The following CACNA1H variants were observed in gnomAD, a reference collection of about 807,000 sequenced individuals.
CACNA1H encodes the protein calcium voltage-gated channel subunit alpha1 H.
A neutral mutation model predicts 192.5 loss-of-function variants in CACNA1H; 149 were observed. The observed-to-expected ratio is 0.77, with a 90% CI of 0.68 to 0.89. The LOEUF is 0.89. Among genes scored for constraint, CACNA1H ranks in the 40% least tolerant of loss-of-function variants. The pLI is 0.00. For missense variants in CACNA1H, 4,257 were observed against 3,423.5 expected (o/e 1.24, Z -6.08); for synonymous variants, 2,202 against 1,475.2 (o/e 1.49, Z -11.29).
chr16:1,215,167 G>A (rs902815539), intron 28 of CACNA1H, 75 bp from the exon 29 acceptor site: 29 of 1,580,014 alleles, frequency 1.8e-5, no homozygotes, highest in Admixed American at 1.3e-4. Flanking sequence ...GCTTTCCCAC[G>A]GAGGTCTGCA....
Position 1,211,204 on chromosome 16 carries a change from G to A in CACNA1H, c.4260G>A (p.Val1420=), listed in dbSNP as rs1273704961. The change falls in exon 22 of 35, where the codon GTG becomes GTA. Residue 1420 remains valine (V), a synonymous_variant. Transcript: ENST00000348261. The part of the protein sequence containing the change: ...ISRAPGLKLV[V]ETLISSLRPI... ...GGGCCCCGGGCCTCAAGCTGGTGGT[G>A]GAGACGCTGATATCATCACTCAGGC... 2 of 1,612,990 alleles carry A rather than the reference G, an allele frequency of 1.2e-6. No individual in the cohort carries two copies. The highest frequency in any genetic ancestry group is 1.7e-6 in the Non-Finnish European group (2 of 1,179,754).
chr16:1,196,001 C>G lies in CACNA1H; in HGVS notation c.621C>G (p.Leu207=). ...AIRTVRVLRP[L]RAINRVPSMR... The stretch of plus-strand genomic sequence containing the variant: ...GGACCGTGCGGGTGCTGCGGCCCCT[C>G]CGCGCCATCAACCGCGTGCCTAGTA... The change falls in exon 5 of 35, where the codon CTC becomes CTG. Residue 207 remains leucine (L), a synonymous_variant. Transcript: ENST00000348261. The G allele has an allele frequency of 6.2e-7, 1 of 1,612,936 alleles. No homozygotes were observed. The highest frequency in any genetic ancestry group is 8.5e-7 in the Non-Finnish European group (1 of 1,179,766).
At chr16:1,211,028 A>G in intron 21 of CACNA1H, 57 bp downstream of exon 21, 4 of 1,557,004 alleles carry the variant, frequency 2.6e-6, no homozygotes, top group Non-Finnish European at 3.5e-6. Flanking sequence ...CCCTGACGCC[A>G]CTGCCCATTA....
At chr16:1,199,619 C>G (rs558689914) in intron 6 of CACNA1H, among the ~76,000 whole-genome samples, 1 of 150,994 alleles carries the variant, frequency 6.6e-6, no homozygotes, top group South Asian at 2.1e-4. Flanking sequence ...TCCCCTCGGC[C>G]CTTGCTCTGC....
rs548105017 is a variant in CACNA1H at position 1,162,648 on chromosome 16, G to T, written c.299+8612G>T. Among the ~76,000 whole-genome samples, 9 of 151,806 alleles carry T rather than the reference G, an allele frequency of 5.9e-5. No individual in the cohort carries two copies. In the East Asian group the frequency reaches 7.8e-4, roughly 13 times the overall value. On this transcript the variant is annotated intron_variant, in intron 2 of 34. Coordinates refer to ENST00000348261, the MANE Select transcript of CACNA1H (RefSeq NM_021098.3). ...CTGCGGACACCTGGAGTGGGGGGGG[G>T]GGGTCCATCCTAGGAGGAGCCGAGC...
At chr16:1,176,930 T>C (rs1964946267) in intron 2 of CACNA1H, among the ~76,000 whole-genome samples, 1 of 152,082 alleles carries the variant, frequency 6.6e-6, no homozygotes, top group Non-Finnish European at 1.5e-5. Flanking sequence ...GGATGTTCCG[T>C]GGACAGGGTG....
chr16:1,217,784 G>C, intron 31 of CACNA1H, 135 bp from the exon 32 acceptor site: 1 of 1,237,344 alleles, frequency 8.1e-7, no homozygotes, highest in African/African-American at 1.5e-5. Context: ...AGGGCGAACC[G>C]CCAGGGCCTC....
intron 14 of CACNA1H, 52 bp downstream of exon 14, chr16:1,207,482 C>T (rs561749462): frequency 3.9e-5 from 62 of 1,575,478 alleles, no homozygotes; most frequent in African/African-American, 3.0e-4. Flanking sequence ...AGAAGAGAGA[C>T]GGGCTTCAGG....
At chr16:1,154,646 A>C (rs1014687211) in intron 2 of CACNA1H, among the ~76,000 whole-genome samples, 3 of 152,120 alleles carry the variant, frequency 2.0e-5, no homozygotes, top group Admixed American at 6.5e-5. Flanking sequence ...AGTCATGCGC[A>C]GCTGAAGGGT....
At chr16:1,191,813 TTTCGGTGACCCAGCAGG>T (rs1966644711) in intron 2 of CACNA1H, among the ~76,000 whole-genome samples, 3 of 100,726 alleles carry the variant, frequency 3.0e-5, no homozygotes, top group African/African-American at 1.3e-4. Flanking sequence ...ACACTCGGGG[TTTCGGTGACCCAGCAGG>T]CTGGCCTGGT....
At position 1,220,314 on chromosome 16, in the gene CACNA1H, G is replaced by C; in HGVS notation, c.6382G>C (p.Gly2128Arg). ...HGPEASPVAGGERDLRRLYSV... is the reference protein window; with the variant it reads ...HGPEASPVAGRERDLRRLYSV... ...CCCCGAAGCCTCTCCGGTGGCCGGC[G>C]GCGAGCGGGACCTGCGCAGGCTCTA... The change falls in exon 35 of 35, where the codon GGC (glycine) becomes CGC (arginine). Residue 2128 changes from glycine to arginine, a missense_variant. Gly to Arg is a moderately radical substitution (Grantham distance 125, BLOSUM62 -2). Coordinates refer to ENST00000348261, the MANE Select transcript of CACNA1H (RefSeq NM_021098.3). 6.4e-7 allele frequency: 1 copy of C among 1,560,248 alleles called. No homozygotes were observed. The highest frequency in any genetic ancestry group is 8.6e-7 in the Non-Finnish European group (1 of 1,160,778).
chr16:1,191,987 TA>T (rs1353574169), intron 2 of CACNA1H, among the ~76,000 whole-genome samples: 1 of 152,260 alleles, frequency 6.6e-6, no homozygotes. Flanking sequence ...TCGCCAGGCT[TA>T]GCTCGGGAGG....
chr16:1,200,179 G>A, intron 6 of CACNA1H, 77 bp from the exon 7 acceptor site: 1 of 1,229,778 alleles, frequency 8.1e-7, no homozygotes, highest in Non-Finnish European at 1.1e-6. Context: ...TCACGTCCCT[G>A]ATCACAATCG....
chr16:1,192,488 A>G (rs547274939), intron 2 of CACNA1H, among the ~76,000 whole-genome samples: 3 of 152,222 alleles, frequency 2.0e-5, no homozygotes, highest in African/African-American at 7.2e-5. Flanking sequence ...TTCTGTCCCC[A>G]TTGGGCCCTC....
rs758516521 is a variant in CACNA1H, at chr16:1,220,107, C to G, written c.6175C>G (p.Pro2059Ala). The G allele has an allele frequency of 2.0e-6, 3 of 1,487,284 alleles. No homozygotes were observed. The highest frequency in any genetic ancestry group is 2.3e-5 in the Admixed American group (1 of 43,922). The allele number at this position is 1,487,284 out of a possible 1,614,324, so 92.1% of individuals were successfully genotyped here. The change falls in exon 35 of 35, where the codon CCA (proline) becomes GCA (alanine). Residue 2059 changes from proline (P) to alanine (A), a missense_variant. Coordinates refer to ENST00000348261, the MANE Select transcript of CACNA1H (RefSeq NM_021098.3). ...CCAGGGGGGCTCCCTGCAGTCCCCA[C>G]CACGCTCCCCACGGCCCGCCAGCGT... ...VTQGGSLQSP[P>A]RSPRPASVRT... is the part of the protein sequence containing the mutation.
rs376067344 is a variant in CACNA1H, at chr16:1,184,115, C to T, written c.300-10857C>T. On this transcript the variant is annotated intron_variant, in intron 2 of 34. Transcript: ENST00000348261. Reference sequence around the variant, plus strand: ...ACCAGCCCATTGCACAGGGTGTAGGCGGGACTGCTCTAGACCCCAGGGCAT... The same window carrying T: ...ACCAGCCCATTGCACAGGGTGTAGGTGGGACTGCTCTAGACCCCAGGGCAT... 5.0e-3 allele frequency among the ~76,000 whole-genome samples: 762 copies of T among 152,268 alleles called. 4 individuals carry two copies. The highest frequency in any genetic ancestry group is 8.1e-3 in the Non-Finnish European group (548 of 67,980).
At chr16:1,211,671 A>G (rs751202021) in intron 23 of CACNA1H, 45 bp from the exon 24 acceptor site, 3 of 1,610,236 alleles carry the variant, frequency 1.9e-6, no homozygotes, top group South Asian at 2.2e-5. Context: ...AGGGCCGGCG[A>G]CCCCAGCTCT....
Position 1,207,284 on chromosome 16 carries a change from C to G in CACNA1H, c.2917C>G (p.Gln973Glu), listed in dbSNP as rs748595228. ...AIVTVFQILT[Q>E]EDWNVVLYNG... Reference sequence around the variant, plus strand: ...CCCTGCTATCCCCCAGATCCTGACCCAGGAGGACTGGAACGTGGTCCTGTA... The same window carrying G: ...CCCTGCTATCCCCCAGATCCTGACCGAGGAGGACTGGAACGTGGTCCTGTA... Residue 973 changes from glutamine to glutamate, a missense_variant, in exon 14 of 35, where the codon CAG becomes GAG. Gln to Glu is a conservative substitution (Grantham distance 29, BLOSUM62 2). Transcript: ENST00000348261. The G allele has an allele frequency of 1.2e-6, 2 of 1,608,236 alleles. No individual in the cohort carries two copies. Among genetic ancestry groups the G allele is most frequent in the South Asian group, 2.2e-5 (2 of 90,360 alleles).
intron 2 of CACNA1H, among the ~76,000 whole-genome samples, chr16:1,173,800 C>A (rs1197370498): frequency 6.6e-6 from 1 of 152,236 alleles, no homozygotes; most frequent in African/African-American, 2.4e-5. Flanking sequence ...TGGGTGTTGA[C>A]CTGTGCACAC....
Sources: allele counts gnomAD v4.1 joint callset (sites outside exome capture counted in the v4.1 genomes callset), GRCh38; gene constraint gnomAD v4.1.1; transcripts MANE v1.5; gene names NCBI Gene and HGNC (gene_info 2026-07-23, HGNC 2026-07-21).